Variants in PCDHGB5 observed in about 807,000 individuals in gnomAD.
The protein encoded by PCDHGB5 is protocadherin gamma-B5.
PCDHGB5 carries 48 observed loss-of-function variants against 62.9 expected under a neutral mutation model. The observed-to-expected ratio is 0.76, with a 90% CI of 0.61 to 0.97. The LOEUF is 0.97. Ranked by LOEUF, PCDHGB5 falls within the 50% of genes least tolerant of loss-of-function variation. The pLI, the probability that PCDHGB5 is intolerant of heterozygous loss-of-function variation, is 0.00. For synonymous variants in PCDHGB5, 474 were observed against 511.2 expected (o/e 0.93, Z 0.98); for missense variants, 1,118 against 1,198.6 (o/e 0.93, Z 0.99).
intron 1 of PCDHGB5, chr5:141,421,458 T>C (rs2096575080): frequency 6.2e-7 from 1 of 1,614,122 alleles, no homozygotes; most frequent in Non-Finnish European, 8.5e-7. Flanking sequence ...AGCTTTTCGC[T>C]GTGAATCCGC....
chr5:141,417,874 C>A (rs768197455), intron 1 of PCDHGB5: 2 of 1,555,202 alleles, frequency 1.3e-6, no homozygotes, highest in African/African-American at 2.7e-5. Context: ...GAGGGAGCTG[C>A]GCGCAGAGGC....
intron 1 of PCDHGB5, among the ~76,000 whole-genome samples, chr5:141,482,799 C>T (rs933003208): frequency 6.6e-6 from 1 of 152,086 alleles, no homozygotes; most frequent in Non-Finnish European, 1.5e-5. Flanking sequence ...TGGCCGGGTA[C>T]GGTGGCTCAT....
In PCDHGB5 at chr5:141,489,406, A is replaced by T; in HGVS notation, c.2398-5401A>T. 6.2e-7 allele frequency: 1 copy of T among 1,614,166 alleles called. No individual in the cohort carries two copies. Among genetic ancestry groups the T allele is most frequent in the Non-Finnish European group, 8.5e-7 (1 of 1,180,028 alleles). Reference sequence around the variant, plus strand: ...TGTTGCTCAGGATCTGGGCTTAAAGATGACAGATCTGTTGAGCCGGCGGCT... The same window carrying T: ...TGTTGCTCAGGATCTGGGCTTAAAGTTGACAGATCTGTTGAGCCGGCGGCT... On this transcript the variant is annotated intron_variant, in intron 1 of 3. Coordinates refer to ENST00000617380, the MANE Select transcript of PCDHGB5 (RefSeq NM_018925.3). This position sits in a 1 kb window ranked among gnomAD's most constrained non-coding sequence, Gnocchi z 4.5.
rs546494803 is a variant in PCDHGB5 at position 141,425,207 on chromosome 5, G to C, written c.2397+24683G>C. Among the ~76,000 whole-genome samples, 7 of 152,120 alleles carry C rather than the reference G, an allele frequency of 4.6e-5. No homozygotes were observed. In the East Asian group the frequency reaches 1.2e-3, roughly 25 times the overall value. ...TCCAAACTGAGAAAAATGATGTAAG[G>C]CATTGTACTTTGACTGGAATTAGTT... On this transcript the variant is annotated intron_variant, in intron 1 of 3. Transcript: ENST00000617380.
chr5:141,428,251 T>G, intron 1 of PCDHGB5: 2 of 893,496 alleles, frequency 2.2e-6, no homozygotes, highest in Non-Finnish European at 3.6e-6. Context: ...ACTGCCAGAC[T>G]TCAGTGACAG....
chr5:141,399,393 C>A lies in PCDHGB5; in HGVS notation c.1266C>A (p.Asp422Glu). The A allele has an allele frequency of 6.2e-7, 1 of 1,613,976 alleles. No individual in the cohort carries two copies. The highest frequency in any genetic ancestry group is 8.5e-7 in the Non-Finnish European group (1 of 1,179,852). ...PEYNVTITAT[D>E]RGKPPLSSSI... ...ACAATGTCACCATCACAGCCACAGA[C>A]AGGGGCAAGCCGCCCCTCTCCTCCA... The change falls in exon 1 of 4, where the codon GAC becomes GAA. Residue 422 changes from aspartate to glutamate, a missense_variant. Asp to Glu is a conservative substitution (Grantham distance 45, BLOSUM62 2). Coordinates refer to ENST00000617380, the MANE Select transcript of PCDHGB5 (RefSeq NM_018925.3).
At chr5:141,427,780 T>C (rs2097069858) in intron 1 of PCDHGB5, 1 of 1,456,004 alleles carries the variant, frequency 6.9e-7, no homozygotes. Flanking sequence ...CTGCGGGCAC[T>C]GTCGTCCTAC....
intron 1 of PCDHGB5, chr5:141,408,147 A>G (rs1357143790): frequency 6.7e-7 from 1 of 1,503,488 alleles, no homozygotes; most frequent in Non-Finnish European, 8.9e-7. Context: ...TTAGCGCGGT[A>G]GAGTGCACTT....
chr5:141,447,449 C>A (rs2098539583), intron 1 of PCDHGB5, among the ~76,000 whole-genome samples: 1 of 152,058 alleles, frequency 6.6e-6, no homozygotes, highest in Non-Finnish European at 1.5e-5. Flanking sequence ...AAATTTTTAA[C>A]CTCAGTTTTT....
rs766182165 is a variant in PCDHGB5 at position 141,478,048 on chromosome 5, C to T, written c.2398-16759C>T. ...ACACAGATTCACCCAGGCAGACTCT[C>T]ACGGTCTTGATCAAAGACAATGGGG... On this transcript the variant is annotated intron_variant, in intron 1 of 3. Transcript: ENST00000617380. 5.6e-6 allele frequency: 9 copies of T among 1,614,040 alleles called. No homozygotes were observed. In the Admixed American group the frequency reaches 1.0e-4, roughly 18 times the overall value.
chr5:141,458,506 A>G (rs1443711702), intron 1 of PCDHGB5, among the ~76,000 whole-genome samples: 1 of 150,282 alleles, frequency 6.7e-6, no homozygotes, highest in Non-Finnish European at 1.5e-5. Flanking sequence ...ATACTGTTTG[A>G]CACTTTGTTT....
intron 1 of PCDHGB5, chr5:141,418,256 T>C: frequency 1.2e-6 from 2 of 1,614,046 alleles, no homozygotes; most frequent in Non-Finnish European, 1.7e-6. Context: ...CGCCCCTCAA[T>C]TCCGGAAAGA....
intron 1 of PCDHGB5, chr5:141,408,935 G>C (rs773802276): frequency 6.2e-7 from 1 of 1,613,472 alleles, no homozygotes; most frequent in Non-Finnish European, 8.5e-7. Context: ...TTTCAGCAGA[G>C]ACGAATATAG....
intron 1 of PCDHGB5, chr5:141,408,375 T>C: frequency 6.2e-7 from 1 of 1,613,972 alleles, no homozygotes; most frequent in Non-Finnish European, 8.5e-7. Context: ...GGGCTCAGTG[T>C]CCTGGATGTG....
At chr5:141,403,159 A>G (rs778714191) in intron 1 of PCDHGB5, 2 of 1,614,002 alleles carry the variant, frequency 1.2e-6, no homozygotes, top group East Asian at 4.5e-5. Context: ...TCGTCTCTAG[A>G]GGTAGGACGC....
At chr5:141,449,796 A>G (rs1358409274) in intron 1 of PCDHGB5, among the ~76,000 whole-genome samples, 2 of 151,590 alleles carry the variant, frequency 1.3e-5, no homozygotes, top group Admixed American at 6.6e-5. Context: ...TTATTCCTAA[A>G]TACCTCATTG....
chr5:141,427,268 A>G (rs1433017911), intron 1 of PCDHGB5: 7 of 456,648 alleles, frequency 1.5e-5, no homozygotes, highest in Non-Finnish European at 3.1e-5. Flanking sequence ...TGACCAGCGA[A>G]TGTAAAATTA....
chr5:141,443,781 CA>C (rs1227271563), intron 1 of PCDHGB5, among the ~76,000 whole-genome samples: 2 of 150,514 alleles, frequency 1.3e-5, no homozygotes, highest in African/African-American at 2.4e-5. Flanking sequence ...ACCAAAAAGA[CA>C]AAAAAAATGA....
chr5:141,474,993 C>A (rs1313232385), intron 1 of PCDHGB5, among the ~76,000 whole-genome samples: 24 of 152,324 alleles, frequency 1.6e-4, no homozygotes. Context: ...GACAACAATT[C>A]TAAATGCAGA....
Sources: gnomAD v4.1 joint callset for allele counts (sites outside exome capture counted in the v4.1 genomes callset) on GRCh38, gnomAD v4.1.1 for gene constraint, Gnocchi (gnomAD v3.1) non-coding constraint, MANE v1.5 for transcripts, NCBI Gene and HGNC (gene_info 2026-07-23, HGNC 2026-07-21) for gene names.